Variants in PKP2 observed in about 807,000 individuals in gnomAD.
PKP2 encodes the protein plakophilin-2.
Under a neutral mutation model 83.4 loss-of-function variants are expected in PKP2, and 73 were observed. The observed-to-expected ratio is 0.88, with a 90% CI of 0.72 to 1.06. The LOEUF (loss-of-function observed/expected upper bound fraction) is 1.06, where lower values mean the gene tolerates loss of function less well. Ranked by LOEUF, PKP2 falls within the 50% of genes least tolerant of loss-of-function variation. PKP2 has a pLI of 0.00. For synonymous variants in PKP2, 409 were observed against 430.4 expected, an observed-to-expected ratio of 0.95 and a Z score of 0.62; for missense variants, 966 against 1,065.4, an observed-to-expected ratio of 0.91 and a Z score of 1.30.
rs2137952378 is a variant in PKP2, at chr12:32,878,910, G to C, written c.336+10C>G. On this transcript the variant is annotated intron_variant, in intron 2 of 12. Coordinates refer to ENST00000340811, the MANE Select transcript of PKP2 (RefSeq NM_001005242.3). ...TCTGATCACTAGGGTTACATTCTTT[G>C]ATATCCTACCTTTAGCATGTCATAG... The C allele has an allele frequency of 1.5e-6, 2 of 1,356,714 alleles. No homozygotes were observed. Among genetic ancestry groups the C allele is most frequent in the Non-Finnish European group, 2.1e-6 (2 of 946,914 alleles). The allele number at this position is 1,356,714 out of a possible 1,614,324, so 84.0% of individuals were successfully genotyped here. A position where few individuals can be genotyped will look rare whatever the true frequency, so the allele number is the denominator to read the frequency against.
At chr12:32,881,207 T>C (rs1956983504) in intron 1 of PKP2, among the ~76,000 whole-genome samples, 1 of 152,216 alleles carries the variant, frequency 6.6e-6, no homozygotes, top group African/African-American at 2.4e-5. Flanking sequence ...ATCTGCCTGA[T>C]AAACAATTTT....
chr12:32,796,347 T>G (rs188052783), intron 10 of PKP2, 49 bp from the exon 11 acceptor site: 1 of 1,473,188 alleles, frequency 6.8e-7, no homozygotes. Flanking sequence ...AGATTGTTTC[T>G]TAATCCCAAG....
intron 6 of PKP2, 166 bp from the exon 7 acceptor site, chr12:32,824,328 C>T (rs1457799475): frequency 1.4e-5 from 9 of 637,486 alleles, no homozygotes; most frequent in Non-Finnish European, 2.0e-5. Context: ...CTTAATAGAT[C>T]AACTATGAAC....
At chr12:32,839,608 G>A (rs1956571326) in intron 6 of PKP2, among the ~76,000 whole-genome samples, 1 of 151,990 alleles carries the variant, frequency 6.6e-6, no homozygotes, top group African/African-American at 2.4e-5. Context: ...CAAGTGACCT[G>A]CAATATCTCA....
chr12:32,880,195 G>A (rs1018611780), intron 1 of PKP2, among the ~76,000 whole-genome samples: 11 of 151,550 alleles, frequency 7.3e-5, no homozygotes, highest in Admixed American at 5.9e-4. Context: ...GAGGTCAGGA[G>A]TTTGAGACCA....
chr12:32,809,973 C>G (rs1021446282), intron 9 of PKP2, among the ~76,000 whole-genome samples: 3 of 152,186 alleles, frequency 2.0e-5, no homozygotes, highest in Non-Finnish European at 4.4e-5. Flanking sequence ...GCTTTCATTC[C>G]TCTCTGTGCT....
intron 11 of PKP2, among the ~76,000 whole-genome samples, chr12:32,795,682 ATCACTGCT>A (rs1176527703): frequency 2.0e-5 from 3 of 152,162 alleles, no homozygotes; most frequent in Non-Finnish European, 2.9e-5. Context: ...TGCCCAGCCC[ATCACTGCT>A]TCTTCTAAAC....
At chr12:32,817,091 A>T (rs1256492541) in intron 9 of PKP2, among the ~76,000 whole-genome samples, 1 of 152,180 alleles carries the variant, frequency 6.6e-6, no homozygotes, top group East Asian at 1.9e-4. Context: ...TCTTTAGCTT[A>T]ATTAGGTCCC....
At chr12:32,834,431 G>T (rs1592743385) in intron 6 of PKP2, among the ~76,000 whole-genome samples, 1 of 152,280 alleles carries the variant, frequency 6.6e-6, no homozygotes, top group South Asian at 2.1e-4. Flanking sequence ...AATTGCGGAA[G>T]AGTCTTGGGG....
rs143660998 is a variant in PKP2, at chr12:32,809,281, AC to A, written c.2014-6726del. On this transcript the variant is annotated intron_variant, in intron 9 of 12. Coordinates refer to ENST00000340811, the MANE Select transcript of PKP2 (RefSeq NM_001005242.3). ...GTGAGGAGGAATGGATCAGGGTCCC[AC>A]TTTAAAGCAGTTTGGGCACAATCTG... 6.0e-3 allele frequency among the ~76,000 whole-genome samples: 918 copies of A among 152,154 alleles called. 14 individuals carry two copies. Among genetic ancestry groups the A allele is most frequent in the African/African-American group, 0.021 (882 of 41,510 alleles).
chr12:32,882,279 G>T lies in PKP2; in HGVS notation c.224-3247C>A, dbSNP rs949131214. 3.3e-5 allele frequency among the ~76,000 whole-genome samples: 5 copies of T among 152,138 alleles called. No individual in the cohort carries two copies. In the East Asian group the frequency reaches 9.6e-4, roughly 29 times the overall value. On this transcript the variant is annotated intron_variant, in intron 1 of 12. Transcript: ENST00000340811. ...GGCAAAGTACTAATGGTCATTTATGGACCGTAGCTGGAACCATTAATTCCT... is the reference window on the plus strand; with the variant it reads ...GGCAAAGTACTAATGGTCATTTATGTACCGTAGCTGGAACCATTAATTCCT...
intron 1 of PKP2, among the ~76,000 whole-genome samples, chr12:32,886,223 AT>A (rs1957028864): frequency 1.3e-5 from 2 of 152,206 alleles, no homozygotes; most frequent in Non-Finnish European, 2.9e-5. Flanking sequence ...TCTTACTGTT[AT>A]TTGGTCTTTC....
At chr12:32,855,635 G>A (rs1162527258) in intron 4 of PKP2, among the ~76,000 whole-genome samples, 1 of 151,926 alleles carries the variant, frequency 6.6e-6, no homozygotes, top group African/African-American at 2.4e-5. Flanking sequence ...AATTAGCTGG[G>A]TGTGGTGGCG....
chr12:32,828,989 G>A (rs1447332927), intron 6 of PKP2, among the ~76,000 whole-genome samples: 1 of 151,990 alleles, frequency 6.6e-6, no homozygotes, highest in Non-Finnish European at 1.5e-5. Context: ...AGGCTGTAGT[G>A]CAGTGGCATG....
intron 1 of PKP2, among the ~76,000 whole-genome samples, chr12:32,888,515 T>A (rs1200267136): frequency 6.6e-6 from 1 of 151,550 alleles, no homozygotes; most frequent in Non-Finnish European, 1.5e-5. Flanking sequence ...TTGAGACAGA[T>A]TTTCACTCTT....
intron 5 of PKP2, among the ~76,000 whole-genome samples, chr12:32,844,702 G>A (rs1414026424): frequency 2.0e-5 from 3 of 152,168 alleles, no homozygotes; most frequent in Admixed American, 1.3e-4. Context: ...TCTCTTATCA[G>A]AAAGTAGATG....
chr12:32,872,230 A>G (rs1158918642), intron 3 of PKP2, among the ~76,000 whole-genome samples: 1 of 152,056 alleles, frequency 6.6e-6, no homozygotes, highest in Admixed American at 6.6e-5. Context: ...TTACAGGGGG[A>G]GAAAAAAACC....
chr12:32,863,337 T>C (rs1221930131), intron 4 of PKP2: 2 of 260,480 alleles, frequency 7.7e-6, no homozygotes, highest in African/African-American at 4.6e-5. Flanking sequence ...CTTGGGCGCA[T>C]GAACACAGTG....
chr12:32,822,998 C>T lies in PKP2; in HGVS notation c.1675-367G>A, dbSNP rs531743071. On this transcript the variant is annotated intron_variant, in intron 7 of 12. Coordinates refer to ENST00000340811, the MANE Select transcript of PKP2 (RefSeq NM_001005242.3). ...ATTGCAATAATCGGCATGAAAGATG[C>T]ACAATGTAGGAAAACATTAGAAGCA... 2.0e-5 allele frequency among the ~76,000 whole-genome samples: 3 copies of T among 152,276 alleles called. No individual in the cohort carries two copies. In the East Asian group the frequency reaches 5.8e-4, roughly 29 times the overall value.
Sources: gnomAD v4.1 joint callset for allele counts (sites outside exome capture counted in the v4.1 genomes callset) on GRCh38, gnomAD v4.1.1 for gene constraint, MANE v1.5 for transcripts, NCBI Gene and HGNC (gene_info 2026-07-23, HGNC 2026-07-21) for gene names.